ILK: variants seen among roughly 807,000 people sequenced by gnomAD.
ILK encodes the protein scaffold protein ILK.
In ILK, 37 loss-of-function variants were observed where a neutral mutation model predicts 57.8. That is an observed-to-expected ratio of 0.64 (90% CI 0.49 to 0.84). The LOEUF (loss-of-function observed/expected upper bound fraction) is 0.84. Among genes scored for constraint, ILK ranks in the 40% least tolerant of loss-of-function variants. ILK has a pLI of 0.00. For missense variants in ILK, 528 were observed against 595.7 expected (o/e 0.89, Z 1.18); for synonymous variants, 231 against 202.2 (o/e 1.14, Z -1.21).
rs1215271832 is a variant in ILK at position 6,608,246 on chromosome 11, A to T, written c.255+35A>T. ...AACTCCTTCGTCATCCACATCACATACATGCCATGAGGGTCAGTCACAGGC... is the reference window on the plus strand; with the variant it reads ...AACTCCTTCGTCATCCACATCACATTCATGCCATGAGGGTCAGTCACAGGC... On this transcript the variant is annotated intron_variant, in intron 3 of 12. Coordinates refer to ENST00000299421, the MANE Select transcript of ILK (RefSeq NM_004517.4). The surrounding 1 kb of genome is among the most constrained non-coding windows in gnomAD (Gnocchi z 4.9). The T allele has an allele frequency of 6.2e-7, 1 of 1,611,142 alleles. No homozygotes were observed. Among genetic ancestry groups the T allele is most frequent in the Non-Finnish European group, 8.5e-7 (1 of 1,177,332 alleles).
chr11:6,605,649 C>CT (rs11368764), intron 2 of ILK, among the ~76,000 whole-genome samples: 46,442 of 151,588 alleles, frequency 0.31, 7,443 homozygotes, highest in African/African-American at 0.4. Flanking sequence ...TTTCCTGATC[C>CT]CTCCCTCTTC....
At chr11:6,603,957 C>T (rs1413296622) in intron 1 of ILK, 135 bp downstream of exon 1, 2 of 518,424 alleles carry the variant, frequency 3.9e-6, no homozygotes, top group Admixed American at 6.4e-5. Flanking sequence ...CCCCACTTCC[C>T]CCAACTCTGT....
At chr11:6,606,558 G>A (rs530327649) in intron 2 of ILK, 1 of 142,426 alleles carries the variant, frequency 7.0e-6, no homozygotes, top group South Asian at 2.2e-4. Context: ...CTAGCATCTA[G>A]GAAGACTCTA....
intron 1 of ILK, 88 bp from the exon 2 acceptor site, chr11:6,604,092 C>T: frequency 1.5e-6 from 1 of 657,928 alleles, no homozygotes; most frequent in East Asian, 2.7e-5. Flanking sequence ...GGGATCATCC[C>T]GCAGCCCCGA....
chr11:6,607,851 T>C (rs373992124), intron 2 of ILK, 195 bp from the exon 3 acceptor site: 59 of 604,306 alleles, frequency 9.8e-5, no homozygotes, highest in East Asian at 9.5e-4. Flanking sequence ...TGTTGAGATA[T>C]CTAGGTGGTT....
chr11:6,607,907 G>A, intron 2 of ILK, 139 bp from the exon 3 acceptor site: 2 of 841,770 alleles, frequency 2.4e-6, no homozygotes. Context: ...GACAGCTTTG[G>A]GAGTTGCTGG....
chr11:6,609,870 C>T, intron 10 of ILK, 25 bp downstream of exon 10: 1 of 1,614,224 alleles, frequency 6.2e-7, no homozygotes, highest in African/African-American at 1.3e-5. Context: ...TCACTCCTGG[C>T]CCAGGCCCCA....
intron 2 of ILK, chr11:6,605,044 G>A (rs987293424): frequency 2.2e-5 from 8 of 361,178 alleles, no homozygotes; most frequent in Admixed American, 3.9e-5. Flanking sequence ...GAGGACCAGG[G>A]TTCTGGCTTG....
At position 6,609,069 on chromosome 11, in the gene ILK, AGGAAAT is replaced by A; in HGVS notation, c.536_541del (p.Asn179_Gly180del). 1 of 1,614,046 alleles carries A rather than the reference AGGAAAT, an allele frequency of 6.2e-7. No homozygotes were observed. On this transcript the variant is annotated splice_acceptor_variant and coding_sequence_variant, in exon 7 of 13. Coordinates refer to ENST00000299421, the MANE Select transcript of ILK (RefSeq NM_004517.4). LOFTEE classifies it high-confidence loss of function. ...GGGTACCTGACCTGCCCACACTCTT[AGGAAAT>A]GGAACCCTGAACAAACACTCTGGCA...
rs1222343878 is a variant in ILK, at chr11:6,604,201, C to T, written c.-71C>T. The stretch of plus-strand genomic sequence containing the variant: ...GTAGAGGATAAAGCTTGGGGTTCAT[C>T]CTCCTTCCCTGGATCACTCCACAGT... On this transcript the variant is annotated 5_prime_UTR_variant, in exon 2 of 13. Coordinates refer to ENST00000299421, the MANE Select transcript of ILK (RefSeq NM_004517.4). The T allele has an allele frequency of 2.9e-6, 4 of 1,363,914 alleles. No homozygotes were observed. Among genetic ancestry groups the T allele is most frequent in the East Asian group, 4.8e-5 (2 of 41,260 alleles). 84.5% of individuals were successfully genotyped at this position (1,363,914 alleles called of 1,614,324 possible).
intron 2 of ILK, chr11:6,607,742 G>A (rs1424993795): frequency 7.0e-6 from 3 of 425,608 alleles, no homozygotes; most frequent in African/African-American, 4.0e-5. Context: ...ACCAATAGAT[G>A]TTGCAGAAGG....
rs1183338566 is a variant in ILK, at chr11:6,608,915, C to T, written c.480C>T (p.Asn160=). ...CAGAGAAGATGGGCCAGAATCTCAA[C>T]CGTATTCCATACAAGGACACATTCT... ...ERAEKMGQNL[N]RIPYKDTFWK... The change falls in exon 6 of 13, where the codon AAC becomes AAT. Residue 160 remains asparagine (N), a synonymous_variant. Transcript: ENST00000299421. This position sits in a 1 kb window ranked among gnomAD's most constrained non-coding sequence, Gnocchi z 4.9. The T allele has an allele frequency of 6.2e-7, 1 of 1,614,098 alleles. No individual in the cohort carries two copies. Among genetic ancestry groups the T allele is most frequent in the Non-Finnish European group, 8.5e-7 (1 of 1,180,048 alleles).
chr11:6,607,144 G>A (rs1270059859), intron 2 of ILK: 2 of 152,430 alleles, frequency 1.3e-5, no homozygotes, highest in African/African-American at 2.4e-5. Context: ...CCCAGACCAC[G>A]GACCGCCCCC....
intron 2 of ILK, 64 bp from the exon 3 acceptor site, chr11:6,607,982 T>G (rs1447220066): frequency 1.9e-6 from 3 of 1,540,782 alleles, no homozygotes; most frequent in Non-Finnish European, 2.7e-6. Context: ...TATCAGTTTT[T>G]CAGGAATCAA....
chr11:6,609,716 C>T lies in ILK; in HGVS notation c.857-8C>T. 1 of 1,614,170 alleles carries T rather than the reference C, an allele frequency of 6.2e-7. No individual in the cohort carries two copies. The highest frequency in any genetic ancestry group is 8.5e-7 in the Non-Finnish European group (1 of 1,180,028). Reference sequence around the variant, plus strand: ...TCTCTGAACTATTTGACTTTTGCCTCCTCTCAGATTTCGTCGTGGACCAGA... The same window carrying T: ...TCTCTGAACTATTTGACTTTTGCCTTCTCTCAGATTTCGTCGTGGACCAGA... On this transcript the variant is annotated splice_region_variant and splice_polypyrimidine_tract_variant and intron_variant, in intron 9 of 12. Transcript: ENST00000299421.
rs749671754 is a variant in ILK, at chr11:6,610,005, A to G, written c.1048A>G (p.Met350Val). 45 of 1,614,058 alleles carry G rather than the reference A, an allele frequency of 2.8e-5. No homozygotes were observed. Among genetic ancestry groups the G allele is most frequent in the Non-Finnish European group, 3.7e-5 (44 of 1,180,038 alleles). Residue 350 changes from methionine (M) to valine (V), a missense_variant, in exon 11 of 13, where the codon ATG (methionine) becomes GTG (valine). Transcript: ENST00000299421. ...VKFSFQCPGR[M>V]YAPAWVAPEA... is the part of the protein sequence containing the mutation. ...GTTCTCTTTCCAATGTCCTGGTCGCATGTATGCACCTGCCTGGGTAGCCCC... is the reference window on the plus strand; with the variant it reads ...GTTCTCTTTCCAATGTCCTGGTCGCGTGTATGCACCTGCCTGGGTAGCCCC...
intron 2 of ILK, 127 bp downstream of exon 2, chr11:6,604,487 G>GTGGGGGGCAGAGGGTT (rs1554896936): frequency 1.5e-5 from 12 of 823,322 alleles, no homozygotes; most frequent in Non-Finnish European, 2.4e-5. Context: ...AGCATAGCCT[G>GTGGGGGGCAGAGGGTT]TGGGGGGCAG....
At position 6,610,269 on chromosome 11, in the gene ILK, T is replaced by C; in HGVS notation, c.1200T>C (p.Ile400=). The part of the protein sequence containing the change: ...VPFADLSNME[I]GMKVALEGLR... ...TTGCTGACCTCTCCAATATGGAGAT[T>C]GGAATGAAGGTGAGAGCACAACAGC... The change falls in exon 12 of 13, where the codon ATT becomes ATC. Residue 400 remains isoleucine (I), a synonymous_variant. Transcript: ENST00000299421. 6.2e-7 allele frequency: 1 copy of C among 1,614,086 alleles called. No homozygotes were observed. The highest frequency in any genetic ancestry group is 8.5e-7 in the Non-Finnish European group (1 of 1,180,002).
rs1855170629 is a variant in ILK, at chr11:6,608,544, G to C, written c.351+55G>C. ...GGGTAGGAAGTAAAGTCTGAGCCTT[G>C]GTGGGAGATTTTGGAACCCTCAACC... is the stretch of plus-strand genomic sequence containing the variant. On this transcript the variant is annotated intron_variant, in intron 4 of 12. Transcript: ENST00000299421. This position sits in a 1 kb window ranked among gnomAD's most constrained non-coding sequence, Gnocchi z 4.9. The C allele has an allele frequency of 2.0e-6, 3 of 1,499,698 alleles. No individual in the cohort carries two copies. The highest frequency in any genetic ancestry group is 2.8e-6 in the Non-Finnish European group (3 of 1,075,876). The allele number at this position is 1,499,698 out of a possible 1,614,324, so 92.9% of individuals were successfully genotyped here.
Sources: gnomAD v4.1 joint callset for allele counts (sites outside exome capture counted in the v4.1 genomes callset) on GRCh38, gnomAD v4.1.1 for gene constraint, Gnocchi (gnomAD v3.1) non-coding constraint, MANE v1.5 for transcripts, NCBI Gene and HGNC (gene_info 2026-07-23, HGNC 2026-07-21) for gene names.